The following NEMF variants were observed in gnomAD, a reference collection of about 807,000 sequenced individuals.
NEMF encodes the protein nuclear export mediator factor.
A neutral mutation model predicts 162.2 loss-of-function variants in NEMF; 89 were observed. That is an observed-to-expected ratio of 0.55 (90% CI 0.46 to 0.65). The LOEUF is 0.65. NEMF is among the 30% of genes least tolerant of loss of function. The pLI is 0.00. For synonymous variants in NEMF, 421 were observed against 404.5 expected (o/e 1.04, Z -0.49); for missense variants, 1,133 against 1,261.9 (o/e 0.90, Z 1.55).
chr14:49,800,272 G>A, intron 23 of NEMF, 148 bp downstream of exon 23: 1 of 706,408 alleles, frequency 1.4e-6, no homozygotes. Flanking sequence ...GAATTTCTTT[G>A]CAGAGAGACC....
chr14:49,787,341 C>T (rs1340435205), intron 28 of NEMF, among the ~76,000 whole-genome samples: 2 of 152,286 alleles, frequency 1.3e-5, no homozygotes, highest in Middle Eastern at 3.4e-3. Flanking sequence ...GCTGGGAAGT[C>T]CAGCATCAAG....
At chr14:49,788,600 C>G (rs1021711857) in intron 28 of NEMF, among the ~76,000 whole-genome samples, 2 of 147,050 alleles carry the variant, frequency 1.4e-5, no homozygotes, top group Non-Finnish European at 3.0e-5. Flanking sequence ...CTCTGTCGCC[C>G]AGGCTGGAGT....
chr14:49,838,662 A>G (rs1191086394), intron 5 of NEMF, among the ~76,000 whole-genome samples: 6 of 142,028 alleles, frequency 4.2e-5, no homozygotes, highest in Admixed American at 3.8e-4. Context: ...TCGGCTCGCT[A>G]CAAGCTCCGC....
intron 18 of NEMF, among the ~76,000 whole-genome samples, chr14:49,813,662 GGTGTGT>G (rs57660068): frequency 0.87 from 129,900 of 148,600 alleles, 56,599 homozygotes; most frequent in East Asian, 0.92. Flanking sequence ...TTTTTTATTA[GGTGTGT>G]GTGTGTGTGT....
intron 19 of NEMF, among the ~76,000 whole-genome samples, chr14:49,805,657 C>G (rs565305175): frequency 6.6e-6 from 1 of 151,534 alleles, no homozygotes; most frequent in African/African-American, 2.4e-5. Flanking sequence ...CAAAGATGAA[C>G]AGAAGAAAGG....
chr14:49,786,874 G>A, intron 28 of NEMF, 124 bp from the exon 29 acceptor site: 1 of 817,006 alleles, frequency 1.2e-6, no homozygotes, highest in Admixed American at 2.5e-5. Context: ...CCACAGGATA[G>A]GGGGCCTCAA....
chr14:49,782,864 A>ATGTT lies in NEMF; in HGVS notation c.*1768_*1771dup. The ATGTT allele has an allele frequency of 6.2e-7, 1 of 1,613,944 alleles. No individual in the cohort carries two copies. Among genetic ancestry groups the ATGTT allele is most frequent in the Non-Finnish European group, 8.5e-7 (1 of 1,179,890 alleles). On this transcript the variant is annotated 3_prime_UTR_variant, in exon 33 of 33. Coordinates refer to ENST00000298310, the MANE Select transcript of NEMF (RefSeq NM_004713.6). Reference sequence around the variant, plus strand: ...AGAAGCAGTCATTTGCTTTAAAGAAATGTTAGCCAACTCATGGAACTGCCT... The same window carrying ATGTT: ...AGAAGCAGTCATTTGCTTTAAAGAAATGTTTGTTAGCCAACTCATGGAACTGCCT...
At chr14:49,849,051 G>T (rs904390904) in intron 3 of NEMF, among the ~76,000 whole-genome samples, 1 of 151,944 alleles carries the variant, frequency 6.6e-6, no homozygotes, top group African/African-American at 2.4e-5. Context: ...ACTGAAATTC[G>T]CATTTTATAT....
At chr14:49,810,442 T>G (rs1891424409) in intron 18 of NEMF, among the ~76,000 whole-genome samples, 1 of 152,102 alleles carries the variant, frequency 6.6e-6, no homozygotes, top group Admixed American at 6.6e-5. Context: ...TTGGCACCCC[T>G]GCTGAAAATT....
intron 18 of NEMF, among the ~76,000 whole-genome samples, chr14:49,807,476 T>C (rs1209561435): frequency 2.0e-5 from 3 of 152,164 alleles, no homozygotes; most frequent in Non-Finnish European, 2.9e-5. Flanking sequence ...AGCTGTATCA[T>C]TGTCCATTCC....
intron 19 of NEMF, among the ~76,000 whole-genome samples, chr14:49,804,335 T>C (rs1162425614): frequency 6.6e-6 from 1 of 152,098 alleles, no homozygotes; most frequent in Non-Finnish European, 1.5e-5. Context: ...TTTAAAAATA[T>C]ATCCTATTTT....
intron 19 of NEMF, among the ~76,000 whole-genome samples, chr14:49,804,743 G>T (rs1354412025): frequency 6.6e-6 from 1 of 151,744 alleles, no homozygotes; most frequent in Admixed American, 6.6e-5. Context: ...TATTAAAATA[G>T]CAAGGGGCCA....
chr14:49,850,066 T>C (rs773444034), intron 3 of NEMF, among the ~76,000 whole-genome samples: 3 of 152,032 alleles, frequency 2.0e-5, no homozygotes, highest in Non-Finnish European at 2.9e-5. Context: ...GAAATGAACA[T>C]GTATGGAGTT....
intron 11 of NEMF, 130 bp from the exon 12 acceptor site, chr14:49,829,556 T>G (rs1211472805): frequency 5.4e-6 from 4 of 737,862 alleles, no homozygotes; most frequent in Non-Finnish European, 8.9e-6. Context: ...GTTCCCATAG[T>G]CTACCACCCT....
chr14:49,833,548 A>T, intron 7 of NEMF, 52 bp from the exon 8 acceptor site: 3 of 1,205,006 alleles, frequency 2.5e-6, no homozygotes, highest in Non-Finnish European at 3.6e-6. Flanking sequence ...AGTGTCAATT[A>T]ACCGTGGCTA....
chr14:49,813,662 G>GGTGT (rs57660068), intron 18 of NEMF, among the ~76,000 whole-genome samples: 87 of 148,670 alleles, frequency 5.9e-4, no homozygotes, highest in African/African-American at 2.0e-3. Context: ...TTTTTTATTA[G>GGTGT]GTGTGTGTGT....
At position 49,832,575 on chromosome 14, in the gene NEMF, C is replaced by T. The variant is rs530817370; in HGVS notation, c.736-298G>A. Among the ~76,000 whole-genome samples, 20 of 152,178 alleles carry T rather than the reference C, an allele frequency of 1.3e-4. No individual in the cohort carries two copies. In the East Asian group the frequency reaches 3.3e-3, roughly 25 times the overall value. ...GTCGAACTCTTGGTCTCAAGTGATC[C>T]GCCCACCTTGGCCTCCAAAAGTGCT... is the stretch of plus-strand genomic sequence containing the variant. On this transcript the variant is annotated intron_variant, in intron 8 of 32. Coordinates refer to ENST00000298310, the MANE Select transcript of NEMF (RefSeq NM_004713.6).
Position 49,789,319 on chromosome 14 carries a change from T to C in NEMF, c.2722A>G (p.Lys908Glu), listed in dbSNP as rs1363880865. The C allele has an allele frequency of 6.2e-7, 1 of 1,614,104 alleles. No individual in the cohort carries two copies. The highest frequency in any genetic ancestry group is 2.2e-5 in the East Asian group (1 of 44,896). ...LGSAGSNKEEKGKKGKKGKTK... is the reference protein window; with the variant it reads ...LGSAGSNKEEEGKKGKKGKTK... ...TTTCCTTTCTTCCCCTTCTTCCCTT[T>C]TTCTTCTTTGTTTGAACCTGCAGAC... The change falls in exon 28 of 33, where the codon AAA (lysine) becomes GAA (glutamate). Residue 908 changes from lysine (K) to glutamate (E), a missense_variant. Around this residue, in one of 3 missense-constraint regions of NEMF, gnomAD observed 532 missense variants for 578.6 expected, o/e 0.92. Coordinates refer to ENST00000298310, the MANE Select transcript of NEMF (RefSeq NM_004713.6).
At position 49,799,423 on chromosome 14, in the gene NEMF, T is replaced by TAAAAA. The variant is rs1334935464; in HGVS notation, c.2465+47_2465+51dup. The TAAAAA allele has an allele frequency of 5.5e-6, 7 of 1,270,432 alleles. No homozygotes were observed. In the East Asian group the frequency reaches 1.9e-4, roughly 34 times the overall value. The allele number at this position is 1,270,432 out of a possible 1,614,324, so 78.7% of individuals were successfully genotyped here. On this transcript the variant is annotated intron_variant, in intron 25 of 32. Coordinates refer to ENST00000298310, the MANE Select transcript of NEMF (RefSeq NM_004713.6). ...AATCTGTGGTAGCTGAGCTATCAAT[T>TAAAAA]AAAAAAAAAAGAAAAACATGCTTTT...
Sources: gnomAD v4.1 joint callset for allele counts (sites outside exome capture counted in the v4.1 genomes callset) on GRCh38, gnomAD v4.1.1 for gene constraint, gnomAD v4.1.1 regional missense constraint, MANE v1.5 for transcripts, NCBI Gene and HGNC (gene_info 2026-07-23, HGNC 2026-07-21) for gene names.